The following CDS1 variants were observed in gnomAD, a reference collection of about 807,000 sequenced individuals.
CDS1 encodes phosphatidate cytidylyltransferase 1.
A neutral mutation model predicts 62.1 loss-of-function variants in CDS1; 41 were observed. The ratio of observed to expected loss-of-function variants is 0.66; its 90% CI spans 0.51 to 0.86. The LOEUF (loss-of-function observed/expected upper bound fraction) is 0.86, where lower values mean the gene tolerates loss of function less well. Ranked by LOEUF, CDS1 falls within the 40% of genes least tolerant of loss-of-function variation. The pLI, the probability that CDS1 is intolerant of heterozygous loss-of-function variation, is 0.00. For synonymous variants in CDS1, 185 were observed against 192.6 expected (o/e 0.96, Z 0.32); for missense variants, 470 against 550.1 (o/e 0.85, Z 1.46).
At chr4:84,593,362 T>C (rs1299608681) in intron 1 of CDS1, among the ~76,000 whole-genome samples, 1 of 152,200 alleles carries the variant, frequency 6.6e-6, no homozygotes, top group Non-Finnish European at 1.5e-5. Flanking sequence ...TTACAACATA[T>C]GTTTGCATCC....
intron 1 of CDS1, among the ~76,000 whole-genome samples, chr4:84,595,506 A>G (rs1324766274): frequency 6.6e-6 from 1 of 152,212 alleles, no homozygotes; most frequent in Non-Finnish European, 1.5e-5. Flanking sequence ...AAAAAAATCT[A>G]TGTGTTTAGT....
chr4:84,625,013 AC>A (rs1723812722), intron 5 of CDS1, among the ~76,000 whole-genome samples: 1 of 151,978 alleles, frequency 6.6e-6, no homozygotes, highest in Admixed American at 6.5e-5. Flanking sequence ...GGCATGCGCT[AC>A]TGTGCCTGGC....
chr4:84,594,923 TG>T (rs1179563125), intron 1 of CDS1, among the ~76,000 whole-genome samples: 1 of 152,072 alleles, frequency 6.6e-6, no homozygotes, highest in African/African-American at 2.4e-5. Context: ...CTCCCTATGT[TG>T]TCCAGGCTGG....
intron 5 of CDS1, among the ~76,000 whole-genome samples, chr4:84,622,431 A>C (rs913995020): frequency 3.3e-5 from 5 of 151,952 alleles, no homozygotes; most frequent in African/African-American, 1.2e-4. Flanking sequence ...TCTACTAAAA[A>C]TACAAAAAAA....
chr4:84,608,361 A>T (rs888977252), intron 2 of CDS1, among the ~76,000 whole-genome samples: 33 of 152,086 alleles, frequency 2.2e-4, no homozygotes, highest in Admixed American at 1.8e-3. Context: ...TTTTTAGTAG[A>T]GACGGGGTTT....
intron 1 of CDS1, among the ~76,000 whole-genome samples, chr4:84,589,873 C>G (rs991986154): frequency 6.6e-6 from 1 of 152,074 alleles, no homozygotes; most frequent in Non-Finnish European, 1.5e-5. Flanking sequence ...TGCAGTGGCG[C>G]GACCTCGGCT....
chr4:84,613,270 T>C (rs552695483), intron 3 of CDS1, among the ~76,000 whole-genome samples: 7 of 152,154 alleles, frequency 4.6e-5, no homozygotes, highest in African/African-American at 1.4e-4. Flanking sequence ...AGTTGCCTTA[T>C]AATGTCAGCA....
At chr4:84,600,859 GC>G (rs545722760) in intron 1 of CDS1, among the ~76,000 whole-genome samples, 12 of 152,272 alleles carry the variant, frequency 7.9e-5, no homozygotes, top group African/African-American at 2.9e-4. Flanking sequence ...AAGGCTTGCA[GC>G]AGTGAATGAG....
intron 3 of CDS1, among the ~76,000 whole-genome samples, chr4:84,611,851 C>G (rs1320250449): frequency 3.3e-5 from 5 of 152,032 alleles, no homozygotes; most frequent in Admixed American, 2.6e-4. Flanking sequence ...AGGAAGAGGC[C>G]CCCAGCTCCC....
At chr4:84,585,183 C>G (rs916624709) in intron 1 of CDS1, among the ~76,000 whole-genome samples, 22 of 152,292 alleles carry the variant, frequency 1.4e-4, no homozygotes, top group African/African-American at 4.8e-4. Flanking sequence ...TTGTCTCTAG[C>G]TATCTGTGAC....
chr4:84,583,704 G>T (rs1037365072), intron 1 of CDS1, among the ~76,000 whole-genome samples, 186 bp downstream of exon 1: 6 of 152,232 alleles, frequency 3.9e-5, no homozygotes, highest in Non-Finnish European at 7.4e-5. Flanking sequence ...GATCCCAGTG[G>T]CGGTGAGGTT....
chr4:84,633,194 C>G (rs1190041175), intron 6 of CDS1, among the ~76,000 whole-genome samples: 2 of 152,128 alleles, frequency 1.3e-5, no homozygotes, highest in African/African-American at 4.8e-5. Flanking sequence ...GAATTTCAAT[C>G]AAAATCATAA....
In CDS1 at chr4:84,648,588, T is replaced by C; in HGVS notation, c.1288T>C (p.Leu430=). The change falls in exon 13 of 13, where the codon TTG becomes CTG. Residue 430 remains leucine (L), a synonymous_variant. Coordinates refer to ENST00000295887, the MANE Select transcript of CDS1 (RefSeq NM_001263.4). The part of the protein sequence containing the change: ...GPNPSKVLQQ[L]LVLQPEQQLN... ...AAATCCCAGCAAAGTGCTACAGCAG[T>C]TGTTGGTGCTTCAACCTGAACAGCA... 1 of 1,613,992 alleles carries C rather than the reference T, an allele frequency of 6.2e-7. No homozygotes were observed. The highest frequency in any genetic ancestry group is 2.2e-5 in the East Asian group (1 of 44,866).
rs1012388083 is a variant in CDS1, at chr4:84,649,690, C to T, written c.*1004C>T. On this transcript the variant is annotated 3_prime_UTR_variant, in exon 13 of 13. Transcript: ENST00000295887. The stretch of plus-strand genomic sequence containing the variant: ...AGTGCAGCCCTTTGTAGACTCACCT[C>T]GCAAGAAGGAAGATCTGCCTGGAGA... The T allele has an allele frequency of 4.6e-5, 7 of 152,194 alleles. No individual in the cohort carries two copies. Among genetic ancestry groups the T allele is most frequent in the Non-Finnish European group, 8.8e-5 (6 of 68,072 alleles). The allele number at this position is 152,194 out of a possible 1,614,324, so 9.4% of individuals were successfully genotyped here. A position where few individuals can be genotyped will look rare whatever the true frequency, so the allele number is the denominator to read the frequency against.
intron 1 of CDS1, among the ~76,000 whole-genome samples, chr4:84,593,336 C>A (rs1203751740): frequency 6.6e-6 from 1 of 152,106 alleles, no homozygotes; most frequent in Non-Finnish European, 1.5e-5. Flanking sequence ...GGTATTCCTT[C>A]TTTGTCTTGA....
intron 11 of CDS1, among the ~76,000 whole-genome samples, chr4:84,644,390 G>A (rs1057001467): frequency 6.6e-6 from 1 of 152,116 alleles, no homozygotes; most frequent in South Asian, 2.1e-4. Context: ...AGAGAAATGG[G>A]TTGGCAAAAA....
At chr4:84,643,604 A>G (rs1168708069) in intron 11 of CDS1, among the ~76,000 whole-genome samples, 1 of 152,246 alleles carries the variant, frequency 6.6e-6, no homozygotes. Context: ...TGTGCAGACC[A>G]TATATTCTAT....
intron 1 of CDS1, among the ~76,000 whole-genome samples, chr4:84,597,823 C>T (rs985585367): frequency 6.6e-6 from 1 of 151,874 alleles, no homozygotes; most frequent in Admixed American, 6.6e-5. Context: ...GGAATCCATG[C>T]CTGTATGAAA....
intron 2 of CDS1, 82 bp from the exon 3 acceptor site, chr4:84,609,347 C>G (rs928881049): frequency 2.3e-6 from 2 of 852,840 alleles, no homozygotes; most frequent in East Asian, 2.5e-5. Flanking sequence ...AAGGAAAATT[C>G]ATAAATCTGG....
Sources: allele counts gnomAD v4.1 joint callset (sites outside exome capture counted in the v4.1 genomes callset), GRCh38; gene constraint gnomAD v4.1.1; transcripts MANE v1.5; gene names NCBI Gene and HGNC (gene_info 2026-07-23, HGNC 2026-07-21).